The following PTPN2 variants were observed in gnomAD, a reference collection of about 807,000 sequenced individuals.
PTPN2 encodes tyrosine-protein phosphatase non-receptor type 2.
PTPN2 carries 19 observed loss-of-function variants against 57.3 expected under a neutral mutation model. That is an observed-to-expected ratio of 0.33 (90% CI 0.23 to 0.49). The LOEUF (loss-of-function observed/expected upper bound fraction) is 0.49, where lower values mean the gene tolerates loss of function less well. Among genes scored for constraint, PTPN2 ranks in the 20% least tolerant of loss-of-function variants. The pLI is 0.99. For synonymous variants in PTPN2, 153 were observed against 164.9 expected, an observed-to-expected ratio of 0.93 and a Z score of 0.55; for missense variants, 358 against 501.1, an observed-to-expected ratio of 0.71 and a Z score of 2.73.
chr18:12,847,653 G>A (rs80294671), intron 2 of PTPN2, among the ~76,000 whole-genome samples: 17,511 of 133,752 alleles, frequency 0.13, 1,145 homozygotes, highest in Non-Finnish European at 0.17. Flanking sequence ...GTTTTTTTTC[G>A]CTCTTGTTGC....
downstream of PTPN2, among the ~76,000 whole-genome samples, chr18:12,789,947 C>G (rs1223731812): frequency 4.6e-5 from 7 of 151,344 alleles, no homozygotes; most frequent in African/African-American, 1.5e-4. Context: ...GACAAATATA[C>G]AGAGAGAGAC....
At chr18:12,835,748 C>G (rs2042841208) in intron 3 of PTPN2, among the ~76,000 whole-genome samples, 1 of 152,136 alleles carries the variant, frequency 6.6e-6, no homozygotes. Flanking sequence ...TATTTGAACA[C>G]TGAGTATTAT....
At position 12,883,973 on chromosome 18, in the gene PTPN2, T is replaced by G. The variant is rs573583275; in HGVS notation, c.69+100A>C. 2.3e-4 allele frequency: 254 copies of G among 1,087,410 alleles called. 1 individual carries two copies. Among genetic ancestry groups the G allele is most frequent in the South Asian group, 2.3e-3 (149 of 65,342 alleles). The allele number at this position is 1,087,410 out of a possible 1,614,324, so 67.4% of individuals were successfully genotyped here. ...GCCACTTCCGCCCCGAGCGAGAGGC[T>G]AGAGGCGAGAGGCGGGGGAGGCGGG... On this transcript the variant is annotated intron_variant, in intron 1 of 8. Coordinates refer to ENST00000309660, the MANE Select transcript of PTPN2 (RefSeq NM_002828.4).
chr18:12,799,856 C>T (rs1045983474), intron 8 of PTPN2, among the ~76,000 whole-genome samples: 1 of 152,136 alleles, frequency 6.6e-6, no homozygotes, highest in Non-Finnish European at 1.5e-5. Context: ...GTCTCAAACT[C>T]CTGACCTCAA....
intron 5 of PTPN2, among the ~76,000 whole-genome samples, chr18:12,820,675 A>G (rs1023163358): frequency 1.3e-5 from 2 of 151,574 alleles, no homozygotes; most frequent in Non-Finnish European, 2.9e-5. Context: ...GCTGCCCTCC[A>G]CCCTTCTCGC....
At chr18:12,811,542 T>C (rs1281332864) in intron 7 of PTPN2, among the ~76,000 whole-genome samples, 3 of 152,136 alleles carry the variant, frequency 2.0e-5, no homozygotes, top group Non-Finnish European at 4.4e-5. Context: ...AACCCAACAA[T>C]GTCATTTTGC....
intron 2 of PTPN2, among the ~76,000 whole-genome samples, chr18:12,855,416 T>C (rs535513694): frequency 3.1e-4 from 47 of 151,596 alleles, no homozygotes; most frequent in Non-Finnish European, 4.1e-4. Flanking sequence ...GCAGGGCCCA[T>C]GAGGAGGATG....
At chr18:12,870,336 TATATAC>T (rs1310099746) in intron 1 of PTPN2, among the ~76,000 whole-genome samples, 3 of 42,068 alleles carry the variant, frequency 7.1e-5, no homozygotes, top group African/African-American at 2.3e-4. Context: ...TATATGTATA[TATATAC>T]ATATATATGT....
At chr18:12,865,173 G>A (rs983475204) in intron 1 of PTPN2, among the ~76,000 whole-genome samples, 1 of 152,162 alleles carries the variant, frequency 6.6e-6, no homozygotes, top group African/African-American at 2.4e-5. Context: ...GAGGCCAGGC[G>A]CTGTGAGTCA....
chr18:12,870,321 GTATATATA>G (rs555618476), intron 1 of PTPN2, among the ~76,000 whole-genome samples: 6 of 40,982 alleles, frequency 1.5e-4, no homozygotes, highest in African/African-American at 8.9e-4. Flanking sequence ...ATATATATGT[GTATATATA>G]TGTATATATA....
At chr18:12,794,960 T>A (rs2041115804) in intron 8 of PTPN2, among the ~76,000 whole-genome samples, 1 of 152,186 alleles carries the variant, frequency 6.6e-6, no homozygotes, top group African/African-American at 2.4e-5. Context: ...TTCAGAGATG[T>A]ACCTTGACAA....
chr18:12,807,061 T>C (rs924612900), intron 7 of PTPN2, among the ~76,000 whole-genome samples: 1 of 152,070 alleles, frequency 6.6e-6, no homozygotes, highest in African/African-American at 2.4e-5. Context: ...ATCCAGAATA[T>C]ATAAGAAACT....
chr18:12,859,706 A>G (rs1226477780), intron 1 of PTPN2, among the ~76,000 whole-genome samples: 1 of 152,190 alleles, frequency 6.6e-6, no homozygotes, highest in Non-Finnish European at 1.5e-5. Flanking sequence ...ATCTACCTAA[A>G]TTTTGGAGTT....
intron 8 of PTPN2, among the ~76,000 whole-genome samples, chr18:12,797,487 CTCA>C (rs2041236660): frequency 6.6e-6 from 1 of 152,022 alleles, no homozygotes; most frequent in African/African-American, 2.4e-5. Context: ...CACTATTTTT[CTCA>C]TTTAAAAGAA....
chr18:12,811,774 A>G (rs1373428756), intron 7 of PTPN2, among the ~76,000 whole-genome samples: 1 of 152,196 alleles, frequency 6.6e-6, no homozygotes, highest in Non-Finnish European at 1.5e-5. Flanking sequence ...CCAAGGAATT[A>G]CATTTCACTA....
chr18:12,852,028 C>A (rs1194358221), intron 2 of PTPN2, among the ~76,000 whole-genome samples: 2 of 152,058 alleles, frequency 1.3e-5, no homozygotes, highest in South Asian at 2.1e-4. Context: ...AGAATGCTGG[C>A]TGCCAGGGGC....
intron 4 of PTPN2, among the ~76,000 whole-genome samples, 155 bp downstream of exon 4, chr18:12,830,788 A>G (rs916837799): frequency 9.2e-5 from 14 of 152,202 alleles, no homozygotes; most frequent in Admixed American, 6.5e-4. Flanking sequence ...AAGGAAAAGG[A>G]TACATGAGTT....
chr18:12,869,611 A>G (rs1460746456), intron 1 of PTPN2, among the ~76,000 whole-genome samples: 2 of 152,244 alleles, frequency 1.3e-5, no homozygotes, highest in Admixed American at 6.5e-5. Flanking sequence ...TACAGAAAAC[A>G]TTACATCGTT....
intron 4 of PTPN2, among the ~76,000 whole-genome samples, chr18:12,829,084 G>C (rs944971651): frequency 6.6e-6 from 1 of 152,084 alleles, no homozygotes; most frequent in Admixed American, 6.5e-5. Flanking sequence ...TTTTTGTAGA[G>C]ACAGAGTTTC....
Sources: gnomAD v4.1 joint callset for allele counts (sites outside exome capture counted in the v4.1 genomes callset) on GRCh38, gnomAD v4.1.1 for gene constraint, MANE v1.5 for transcripts, NCBI Gene and HGNC (gene_info 2026-07-23, HGNC 2026-07-21) for gene names.